MYCBP2: variants seen among roughly 807,000 people sequenced by gnomAD.
MYCBP2 encodes the protein MYC binding protein 2.
A neutral mutation model predicts 525.3 loss-of-function variants in MYCBP2; 120 were observed. That is an observed-to-expected ratio of 0.23 (90% CI 0.20 to 0.27). MYCBP2 has a LOEUF of 0.27. Ranked by LOEUF, MYCBP2 falls within the 10% of genes least tolerant of loss-of-function variation. The pLI is 1.00. For synonymous variants in MYCBP2, 1,894 were observed against 1,955.8 expected (o/e 0.97, Z 0.83); for missense variants, 4,149 against 5,657.1 (o/e 0.73, Z 8.55).
chr13:77,212,568 T>A (rs917555189), intron 21 of MYCBP2, among the ~76,000 whole-genome samples: 3 of 152,202 alleles, frequency 2.0e-5, no homozygotes, highest in Non-Finnish European at 4.4e-5. Context: ...AGAAAGTCAC[T>A]ATTGAACTCA....
intron 15 of MYCBP2, among the ~76,000 whole-genome samples, chr13:77,246,960 G>A (rs2070143798): frequency 6.6e-6 from 1 of 152,052 alleles, no homozygotes; most frequent in African/African-American, 2.4e-5. Context: ...GGAATAGAAG[G>A]AAATGATCTC....
chr13:77,248,467 A>C (rs2070473862), intron 15 of MYCBP2, among the ~76,000 whole-genome samples: 1 of 152,184 alleles, frequency 6.6e-6, no homozygotes, highest in African/African-American at 2.4e-5. Flanking sequence ...AAAGGACTTG[A>C]ATAGCATTTC....
chr13:77,165,885 A>G (rs1170067145), intron 41 of MYCBP2, among the ~76,000 whole-genome samples: 1 of 152,228 alleles, frequency 6.6e-6, no homozygotes, highest in Non-Finnish European at 1.5e-5. Flanking sequence ...TTAAGAATGC[A>G]ACAAACCATA....
intron 35 of MYCBP2, among the ~76,000 whole-genome samples, chr13:77,177,148 TAA>T (rs58976857): frequency 1.5e-4 from 19 of 126,818 alleles, no homozygotes; most frequent in African/African-American, 4.8e-4. Context: ...AATGACAATA[TAA>T]AAAAAAAAAA....
intron 72 of MYCBP2, among the ~76,000 whole-genome samples, 163 bp from the exon 73 acceptor site, chr13:77,064,897 T>C (rs941597855): frequency 6.6e-6 from 1 of 152,220 alleles, no homozygotes; most frequent in African/African-American, 2.4e-5. Context: ...AATTTCTTCG[T>C]GATCCTATGG....
At chr13:77,264,736 A>C (rs1039512419) in intron 8 of MYCBP2, among the ~76,000 whole-genome samples, 2 of 152,164 alleles carry the variant, frequency 1.3e-5, no homozygotes, top group Non-Finnish European at 2.9e-5. Flanking sequence ...AAGGGATACC[A>C]GTATTACAGA....
intron 1 of MYCBP2, among the ~76,000 whole-genome samples, chr13:77,303,301 C>T (rs2079014142): frequency 6.6e-6 from 1 of 152,228 alleles, no homozygotes; most frequent in Non-Finnish European, 1.5e-5. Flanking sequence ...CCACTGTCCT[C>T]CAGCCTGGGC....
chr13:77,066,020 A>G lies in MYCBP2; in HGVS notation c.12524T>C (p.Ile4175Thr). 1 of 1,613,144 alleles carries G rather than the reference A, an allele frequency of 6.2e-7. No individual in the cohort carries two copies. Among genetic ancestry groups the G allele is most frequent in the Non-Finnish European group, 8.5e-7 (1 of 1,179,414 alleles). The stretch of plus-strand genomic sequence containing the variant: ...TGCCATATCCTTGATAAGTTTAATG[A>G]TGATCTCTGAGATCTGGGTAGGGGT... ...GSTPTQISEI[I>T]IKLIKDMAAG... The change falls in exon 72 of 83, where the codon ATC becomes ACC. Residue 4175 changes from isoleucine (I) to threonine (T), a missense_variant. Coordinates refer to ENST00000544440, the MANE Select transcript of MYCBP2 (RefSeq NM_015057.5).
intron 5 of MYCBP2, among the ~76,000 whole-genome samples, chr13:77,271,798 G>T (rs7325581): frequency 0.022 from 3,416 of 152,178 alleles, 125 homozygotes; most frequent in African/African-American, 0.078. Flanking sequence ...CCCAGTCTCG[G>T]GTACATCTCT....
chr13:77,092,203 A>G (rs2045549055), intron 59 of MYCBP2, among the ~76,000 whole-genome samples: 1 of 152,138 alleles, frequency 6.6e-6, no homozygotes, highest in Admixed American at 6.6e-5. Flanking sequence ...TTTAATAAGC[A>G]CATTCTCTTT....
At chr13:77,155,053 A>G (rs2057046409) in intron 46 of MYCBP2, among the ~76,000 whole-genome samples, 3 of 152,108 alleles carry the variant, frequency 2.0e-5, no homozygotes, top group South Asian at 2.1e-4. Flanking sequence ...TCTTTGGGTT[A>G]TAATAAAAAT....
chr13:77,293,482 G>A (rs2077708502), intron 2 of MYCBP2, among the ~76,000 whole-genome samples: 1 of 152,164 alleles, frequency 6.6e-6, no homozygotes, highest in East Asian at 1.9e-4. Context: ...ATATACAAGG[G>A]AGATATGGTA....
chr13:77,073,402 G>T (rs1265093064), intron 68 of MYCBP2, among the ~76,000 whole-genome samples: 1 of 151,990 alleles, frequency 6.6e-6, no homozygotes, highest in Non-Finnish European at 1.5e-5. Flanking sequence ...TTATTAAAAA[G>T]ATTCACCCCC....
chr13:77,268,099 T>C (rs957231229), intron 7 of MYCBP2, among the ~76,000 whole-genome samples, 162 bp from the exon 8 acceptor site: 4 of 152,288 alleles, frequency 2.6e-5, no homozygotes, highest in African/African-American at 9.6e-5. Flanking sequence ...TTCCTCTCAA[T>C]TAGAGGAAAA....
chr13:77,165,538 G>A, intron 41 of MYCBP2, 147 bp from the exon 42 acceptor site: 1 of 588,972 alleles, frequency 1.7e-6, no homozygotes, highest in South Asian at 2.4e-5. Context: ...CTTGCGGCGG[G>A]GAGCGTTCCT....
chr13:77,281,811 T>C (rs539641142), intron 3 of MYCBP2, among the ~76,000 whole-genome samples: 32 of 152,214 alleles, frequency 2.1e-4, no homozygotes, highest in Non-Finnish European at 3.5e-4. Context: ...AAAGTTTAGT[T>C]ACATCACATT....
intron 52 of MYCBP2, chr13:77,129,511 A>G (rs1214390904): frequency 1.3e-5 from 3 of 238,820 alleles, no homozygotes; most frequent in Non-Finnish European, 2.4e-5. Context: ...AAGATACTCA[A>G]TGCAAGAAAG....
intron 30 of MYCBP2, 45 bp from the exon 31 acceptor site, chr13:77,186,108 T>A (rs368509244): frequency 7.4e-7 from 1 of 1,357,660 alleles, no homozygotes. Context: ...ATTCAAATGA[T>A]ACCATAAACG....
At position 77,206,700 on chromosome 13, in the gene MYCBP2, C is replaced by A. The variant is rs766614571; in HGVS notation, c.3542G>T (p.Gly1181Val). The change falls in exon 24 of 83, where the codon GGA becomes GTA. Residue 1181 changes from glycine to valine, a missense_variant. Transcript: ENST00000544440. ...ILSPELALPT[G>V]SRALTTRSHA... ...AGATCGGGTAGTGAGGGCCCTTGATCCTGTTGGTAAGGCAAGTTCAGGACT... is the reference window on the plus strand; with the variant it reads ...AGATCGGGTAGTGAGGGCCCTTGATACTGTTGGTAAGGCAAGTTCAGGACT... 1.9e-6 allele frequency: 3 copies of A among 1,609,934 alleles called. No homozygotes were observed. The highest frequency in any genetic ancestry group is 1.7e-5 in the Admixed American group (1 of 59,404).
Sources: gnomAD v4.1 joint callset for allele counts (sites outside exome capture counted in the v4.1 genomes callset) on GRCh38, gnomAD v4.1.1 for gene constraint, MANE v1.5 for transcripts, NCBI Gene and HGNC (gene_info 2026-07-23, HGNC 2026-07-21) for gene names.